Variants in PIK3CA observed in about 807,000 individuals in gnomAD.
PIK3CA encodes phosphatidylinositol 4,5-bisphosphate 3-kinase catalytic subunit alpha isoform.
Under a neutral mutation model 138.2 loss-of-function variants are expected in PIK3CA, and 27 were observed. That is an observed-to-expected ratio of 0.20 (90% confidence interval 0.14 to 0.27). The LOEUF is 0.27. PIK3CA is among the 10% of genes least tolerant of loss of function. The pLI, the probability that PIK3CA is intolerant of heterozygous loss-of-function variation, is 1.00. For missense variants in PIK3CA, 544 were observed against 1,277.4 expected (o/e 0.43, Z 8.75); for synonymous variants, 358 against 413.2 (o/e 0.87, Z 1.62).
In PIK3CA at chr3:179,198,815, G is replaced by A. The variant is rs1724332210; in HGVS notation, c.-11G>A. 1.4e-6 allele frequency: 2 copies of A among 1,469,066 alleles called. No individual in the cohort carries two copies. The highest frequency in any genetic ancestry group is 2.3e-5 in the East Asian group (1 of 43,044). 91.0% of individuals were successfully genotyped at this position (1,469,066 alleles called of 1,614,324 possible). A position where few individuals can be genotyped will look rare whatever the true frequency, so the allele number is the denominator to read the frequency against. ...TAGTTTTATATGTAAAACTTGCAAA[G>A]AATCAGAACAATGCCTCCACGACCA... On this transcript the variant is annotated 5_prime_UTR_variant, in exon 2 of 21. Coordinates refer to ENST00000263967, the MANE Select transcript of PIK3CA (RefSeq NM_006218.4).
intron 1 of PIK3CA, among the ~76,000 whole-genome samples, chr3:179,168,066 G>A (rs77706566): frequency 0.017 from 2,647 of 152,128 alleles, 32 homozygotes; most frequent in Middle Eastern, 0.031. Flanking sequence ...GTTTATCTCA[G>A]GACTGCTTTT....
chr3:179,166,618 T>C (rs1294619093), intron 1 of PIK3CA, among the ~76,000 whole-genome samples: 1 of 152,212 alleles, frequency 6.6e-6, no homozygotes, highest in East Asian at 1.9e-4. Flanking sequence ...TAGTGCCTTA[T>C]GGGATGTCTA....
chr3:179,213,967 A>G (rs1046568968), intron 9 of PIK3CA, among the ~76,000 whole-genome samples: 3 of 152,204 alleles, frequency 2.0e-5, no homozygotes, highest in Admixed American at 6.5e-5. Context: ...GCTAGCTTCA[A>G]ACTTTTCCTC....
intron 5 of PIK3CA, among the ~76,000 whole-genome samples, 186 bp from the exon 6 acceptor site, chr3:179,204,317 G>A (rs1724498482): frequency 2.6e-5 from 4 of 152,072 alleles, no homozygotes; most frequent in Admixed American, 1.3e-4. Flanking sequence ...GTTATTAGTG[G>A]ATGAAGGCAG....
At chr3:179,158,298 T>C (rs900392903) in intron 1 of PIK3CA, among the ~76,000 whole-genome samples, 1 of 152,170 alleles carries the variant, frequency 6.6e-6, no homozygotes, top group Non-Finnish European at 1.5e-5. Context: ...ATATTTAGTT[T>C]AATAGGAATG....
intron 1 of PIK3CA, among the ~76,000 whole-genome samples, chr3:179,186,910 A>G (rs1456776657): frequency 3.9e-5 from 6 of 152,106 alleles, no homozygotes; most frequent in Non-Finnish European, 5.9e-5. Context: ...ATAGACTTCT[A>G]TTTTCACTGT....
At chr3:179,198,377 AAGAT>A (rs956508330) in intron 1 of PIK3CA, among the ~76,000 whole-genome samples, 6 of 152,306 alleles carry the variant, frequency 3.9e-5, no homozygotes, top group African/African-American at 1.4e-4. Context: ...GTTTTTCCGT[AAGAT>A]AGAAGAGAAT....
intron 1 of PIK3CA, among the ~76,000 whole-genome samples, chr3:179,166,425 G>A (rs1041631087): frequency 6.6e-6 from 1 of 151,990 alleles, no homozygotes; most frequent in African/African-American, 2.4e-5. Flanking sequence ...ATCATTTTAT[G>A]GGTAAAGGTG....
chr3:179,198,342 A>C (rs1264487594), intron 1 of PIK3CA, among the ~76,000 whole-genome samples: 1 of 152,196 alleles, frequency 6.6e-6, no homozygotes, highest in Non-Finnish European at 1.5e-5. Flanking sequence ...CCATGATCTG[A>C]AAGATTGTTT....
At position 179,219,155 on chromosome 3, in the gene PIK3CA, C is replaced by A. The variant is rs752696941; in HGVS notation, c.1665-41C>A. ...TTAGACATGTCAACCTTTTGAACAG[C>A]ATGCAAGAATGTTTATGTTTATTTT... On this transcript the variant is annotated intron_variant, in intron 10 of 20. Coordinates refer to ENST00000263967, the MANE Select transcript of PIK3CA (RefSeq NM_006218.4). The surrounding 1 kb of genome is among the most constrained non-coding windows in gnomAD (Gnocchi z 4.2). 3 of 1,209,528 alleles carry A rather than the reference C, an allele frequency of 2.5e-6. No individual in the cohort carries two copies. The highest frequency in any genetic ancestry group is 3.7e-6 in the Non-Finnish European group (3 of 817,672). 74.9% of individuals were successfully genotyped at this position (1,209,528 alleles called of 1,614,324 possible).
intron 1 of PIK3CA, among the ~76,000 whole-genome samples, chr3:179,159,084 C>CAT (rs1194831926): frequency 1.3e-5 from 2 of 152,040 alleles, no homozygotes; most frequent in Non-Finnish European, 2.9e-5. Flanking sequence ...TTGTTGTTAA[C>CAT]ATATATGGAG....
chr3:179,210,125 A>G (rs973843340), intron 7 of PIK3CA, 61 bp from the exon 8 acceptor site: 6 of 1,296,154 alleles, frequency 4.6e-6, no homozygotes, highest in Admixed American at 2.6e-5. Context: ...TTGGGGAAGA[A>G]AAGTGTTTTG....
At chr3:179,160,952 A>AGT (rs1723263322) in intron 1 of PIK3CA, among the ~76,000 whole-genome samples, 2 of 151,888 alleles carry the variant, frequency 1.3e-5, no homozygotes, top group African/African-American at 4.8e-5. Context: ...TCAATGTTAC[A>AGT]TAGTAGGCAA....
intron 20 of PIK3CA, chr3:179,233,196 T>C: frequency 2.5e-6 from 1 of 396,806 alleles, no homozygotes; most frequent in South Asian, 1.3e-4. Flanking sequence ...TTGGGTTTTC[T>C]AGGTATATGA....
Position 179,199,819 on chromosome 3 carries a change from G to A in PIK3CA, c.482G>A (p.Ser161Asn). ...CTTAGGGACCTCAATTCACCTCATA[G>A]TAGAGCAATGTATGTCTATCCTCCA... The part of the protein sequence containing the change: ...VDLRDLNSPH[S>N]RAMYVYPPNV... Residue 161 changes from serine (S) to asparagine (N), a missense_variant, in exon 3 of 21, where the codon AGT (serine) becomes AAT (asparagine). Around this residue, in one of 14 missense-constraint regions of PIK3CA, gnomAD observed 234 missense variants for 401.3 expected, o/e 0.58. Coordinates refer to ENST00000263967, the MANE Select transcript of PIK3CA (RefSeq NM_006218.4). 1.9e-6 allele frequency: 3 copies of A among 1,612,782 alleles called. No homozygotes were observed. Among genetic ancestry groups the A allele is most frequent in the Non-Finnish European group, 2.5e-6 (3 of 1,178,892 alleles).
intron 14 of PIK3CA, among the ~76,000 whole-genome samples, chr3:179,223,658 C>T (rs1449683881): frequency 6.6e-6 from 1 of 152,164 alleles, no homozygotes; most frequent in Non-Finnish European, 1.5e-5. Flanking sequence ...CAGATAGTAA[C>T]TGTTTTAGAC....
In PIK3CA at chr3:179,220,324, AGAT is replaced by A. The variant is rs1724936622; in HGVS notation, c.2015+275_2015+277del. On this transcript the variant is annotated intron_variant, in intron 13 of 20. Transcript: ENST00000263967. This position sits in a 1 kb window ranked among gnomAD's most constrained non-coding sequence, Gnocchi z 4.1. ...TACTTAAGTCAAATTTTCTAGGTCC[AGAT>A]GAATATTGCTGTAGGTTTCACTGTG... Among the ~76,000 whole-genome samples, 1 of 152,166 alleles carries A rather than the reference AGAT, an allele frequency of 6.6e-6. No individual in the cohort carries two copies. The highest frequency in any genetic ancestry group is 2.4e-5 in the African/African-American group (1 of 41,448).
Position 179,190,895 on chromosome 3 carries a change from G to A in PIK3CA, c.-76-7855G>A, listed in dbSNP as rs560642058. 2.0e-5 allele frequency among the ~76,000 whole-genome samples: 3 copies of A among 152,356 alleles called. No homozygotes were observed. The East Asian group carries it at 5.8e-4, about 29-fold the overall frequency. ...TATGGGCTTAAGGCTCCTGGAGGGT[G>A]AGGGGAAGAACTGTACTGTGAACGA... On this transcript the variant is annotated intron_variant, in intron 1 of 20. Transcript: ENST00000263967.
intron 1 of PIK3CA, among the ~76,000 whole-genome samples, chr3:179,185,911 T>C (rs550586468): frequency 6.6e-6 from 1 of 152,330 alleles, no homozygotes; most frequent in African/African-American, 2.4e-5. Flanking sequence ...TGGATTTTTA[T>C]GGAAACTTCA....
Sources: gnomAD v4.1 joint callset for allele counts (sites outside exome capture counted in the v4.1 genomes callset) on GRCh38, gnomAD v4.1.1 for gene constraint, gnomAD v4.1.1 regional missense constraint, Gnocchi (gnomAD v3.1) non-coding constraint, MANE v1.5 for transcripts, NCBI Gene and HGNC (gene_info 2026-07-23, HGNC 2026-07-21) for gene names.